TENM2: variants seen among roughly 807,000 people sequenced by gnomAD.
The protein encoded by TENM2 is teneurin transmembrane protein 2, also known as teneurin-2.
Under a neutral mutation model 245.2 loss-of-function variants are expected in TENM2, and 52 were observed. The observed-to-expected ratio is 0.21, with a 90% CI of 0.17 to 0.27. TENM2 has a LOEUF of 0.27. Ranked by LOEUF, TENM2 falls within the 10% of genes least tolerant of loss-of-function variation. The pLI is 1.00. For missense variants in TENM2, 3,046 were observed against 3,666.8 expected, an observed-to-expected ratio of 0.83 and a Z score of 4.37; for synonymous variants, 1,363 against 1,438.9, an observed-to-expected ratio of 0.95 and a Z score of 1.19.
At chr5:168,005,515 A>C (rs1273521138) in intron 5 of TENM2, among the ~76,000 whole-genome samples, 1 of 152,164 alleles carries the variant, frequency 6.6e-6, no homozygotes, top group Non-Finnish European at 1.5e-5. Context: ...CCACAATTCC[A>C]CAAAGCAACA....
the TENM2 span, among the ~76,000 whole-genome samples, chr5:167,034,584 C>A: frequency 1.4e-5 from 2 of 147,800 alleles, no homozygotes; most frequent in South Asian, 2.2e-4. Flanking sequence ...GAGCCGAGAT[C>A]CCGCCACTGC....
the TENM2 span, among the ~76,000 whole-genome samples, chr5:167,099,817 C>A: frequency 6.6e-6 from 1 of 152,132 alleles, no homozygotes; most frequent in Non-Finnish European, 1.5e-5. Flanking sequence ...AAATGTTGAT[C>A]CCTTGTGTTT....
intron 2 of TENM2, among the ~76,000 whole-genome samples, chr5:167,632,013 A>G (rs1319690169): frequency 6.6e-6 from 1 of 152,176 alleles, no homozygotes; most frequent in African/African-American, 2.4e-5. Flanking sequence ...GTCAGCAAAT[A>G]CCAAACTTCT....
chr5:167,721,964 C>T (rs1759659325), intron 2 of TENM2, among the ~76,000 whole-genome samples: 2 of 152,180 alleles, frequency 1.3e-5, no homozygotes, highest in Admixed American at 6.5e-5. Context: ...TTAACCCAGA[C>T]GTGAAATCCT....
chr5:168,176,219 C>A (rs1361021324), intron 13 of TENM2, among the ~76,000 whole-genome samples: 1 of 152,218 alleles, frequency 6.6e-6, no homozygotes, highest in Non-Finnish European at 1.5e-5. Flanking sequence ...TCCTATCACA[C>A]CCCTGCTCAA....
the TENM2 span, among the ~76,000 whole-genome samples, chr5:167,224,760 A>C: frequency 6.6e-6 from 1 of 151,918 alleles, no homozygotes; most frequent in Non-Finnish European, 1.5e-5. Context: ...ATTTTGATAG[A>C]TATTACATTG....
chr5:167,673,563 A>C (rs1756105553), intron 2 of TENM2, among the ~76,000 whole-genome samples: 1 of 152,100 alleles, frequency 6.6e-6, no homozygotes, highest in African/African-American at 2.4e-5. Flanking sequence ...GGCCAGGTTC[A>C]GTATTTAGCA....
intron 21 of TENM2, 88 bp from the exon 24 acceptor site, chr5:168,216,680 G>C: frequency 7.8e-7 from 1 of 1,286,408 alleles, no homozygotes; most frequent in Non-Finnish European, 1.1e-6. Context: ...TCTAAGCAGA[G>C]TGCTCAGCAA....
At chr5:167,179,992 A>T in the TENM2 span, among the ~76,000 whole-genome samples, 1 of 152,150 alleles carries the variant, frequency 6.6e-6, no homozygotes, top group Admixed American at 6.5e-5. Context: ...AAGCTGGAGA[A>T]GGAGCCAACT....
At chr5:167,854,106 T>G (rs1364513393) in intron 2 of TENM2, among the ~76,000 whole-genome samples, 1 of 152,234 alleles carries the variant, frequency 6.6e-6, no homozygotes, top group African/African-American at 2.4e-5. Flanking sequence ...TTAAAAGCCC[T>G]GAAGATATAG....
chr5:168,022,502 C>T (rs754771721), intron 5 of TENM2, among the ~76,000 whole-genome samples: 1 of 152,218 alleles, frequency 6.6e-6, no homozygotes, highest in Non-Finnish European at 1.5e-5. Flanking sequence ...GCGCTGCATC[C>T]GGCTTTTTCT....
Position 167,540,485 on chromosome 5 carries a change from A to G in TENM2, c.502+165012A>G, listed in dbSNP as rs186891330. ...AAATTCAAATTTCAGTGTCCATAAA[A>G]AAAATTGTGTTGGCATATAGCCATG... On this transcript the variant is annotated intron_variant, in intron 2 of 28. Coordinates refer to ENST00000518659, the Ensembl canonical transcript of TENM2. 2.5e-3 allele frequency among the ~76,000 whole-genome samples: 384 copies of G among 152,364 alleles called. 2 individuals carry two copies. Among genetic ancestry groups the G allele is most frequent in the African/African-American group, 8.8e-3 (368 of 41,588 alleles).
intron 3 of TENM2, among the ~76,000 whole-genome samples, chr5:167,920,698 A>G (rs1483659778): frequency 6.6e-6 from 1 of 152,158 alleles, no homozygotes; most frequent in Non-Finnish European, 1.5e-5. Context: ...TAATTGGGGG[A>G]GATCTTGAAA....
At chr5:167,974,505 C>T (rs144656817) in intron 4 of TENM2, among the ~76,000 whole-genome samples, 2 of 150,310 alleles carry the variant, frequency 1.3e-5, no homozygotes, top group South Asian at 2.1e-4. Flanking sequence ...AGTAGGCAGT[C>T]TATGGGATTC....
At chr5:167,725,107 T>C (rs1759900807) in intron 2 of TENM2, among the ~76,000 whole-genome samples, 1 of 152,180 alleles carries the variant, frequency 6.6e-6, no homozygotes, top group East Asian at 1.9e-4. Context: ...TAATTTACAT[T>C]TGTCACCAAT....
chr5:167,901,206 C>T (rs772158110), intron 3 of TENM2, among the ~76,000 whole-genome samples: 9 of 152,056 alleles, frequency 5.9e-5, no homozygotes, highest in East Asian at 5.8e-4. Flanking sequence ...CTTTCTCACA[C>T]GCTTTTTCAG....
intron 2 of TENM2, among the ~76,000 whole-genome samples, chr5:167,422,081 TTCCCGGCCGG>T (rs1214711437): frequency 6.6e-6 from 1 of 152,132 alleles, no homozygotes; most frequent in South Asian, 2.1e-4. Flanking sequence ...TGAGCCACCA[TTCCCGGCCGG>T]TAGTATTCTT....
At chr5:167,120,018 A>G in the TENM2 span, among the ~76,000 whole-genome samples, 142 of 152,336 alleles carry the variant, frequency 9.3e-4, no homozygotes, top group African/African-American at 3.3e-3. Context: ...CCTCGTAGGC[A>G]AAGCTAAACC....
chr5:167,558,020 T>C (rs1773360665), intron 2 of TENM2, among the ~76,000 whole-genome samples: 1 of 152,236 alleles, frequency 6.6e-6, no homozygotes, highest in Non-Finnish European at 1.5e-5. Flanking sequence ...GTTTATTTTG[T>C]TTTTAAGATA....
Sources: allele counts gnomAD v4.1 joint callset (sites outside exome capture counted in the v4.1 genomes callset), GRCh38; gene constraint gnomAD v4.1.1; transcripts MANE v1.5; gene names NCBI Gene and HGNC (gene_info 2026-07-23, HGNC 2026-07-21).